Variants in SUCLG2 observed in about 807,000 individuals in gnomAD.
The protein encoded by SUCLG2 is succinate-CoA ligase GDP-forming subunit beta.
In SUCLG2, 42 loss-of-function variants were observed where a neutral mutation model predicts 47.9. The ratio of observed to expected loss-of-function variants is 0.88; its 90% CI spans 0.69 to 1.14. The LOEUF (loss-of-function observed/expected upper bound fraction) is 1.14, where lower values mean the gene tolerates loss of function less well. SUCLG2 is among the 50% of genes most tolerant of loss of function. The pLI is 0.00. For synonymous variants in SUCLG2, 195 were observed against 197.3 expected (o/e 0.99, Z 0.10); for missense variants, 571 against 525.9 (o/e 1.09, Z -0.84).
intron 9 of SUCLG2, among the ~76,000 whole-genome samples, chr3:67,482,932 T>C (rs1397102203): frequency 6.6e-6 from 1 of 152,106 alleles, no homozygotes; most frequent in Non-Finnish European, 1.5e-5. Context: ...TGAGTTCTAA[T>C]TGAGAAAAAA....
intron 9 of SUCLG2, among the ~76,000 whole-genome samples, chr3:67,459,570 A>C (rs1296388403): frequency 6.6e-6 from 1 of 152,220 alleles, no homozygotes; most frequent in African/African-American, 2.4e-5. Context: ...AATGAAAAAG[A>C]AATTTACCAG....
chr3:67,447,165 T>C (rs13090999), intron 9 of SUCLG2, among the ~76,000 whole-genome samples: 76,352 of 151,946 alleles, frequency 0.5, 19,604 homozygotes, highest in Non-Finnish European at 0.57. Flanking sequence ...TGAGTTAATT[T>C]TAAAAAATCA....
chr3:67,596,233 C>T (rs1708289381), intron 2 of SUCLG2, among the ~76,000 whole-genome samples: 1 of 152,190 alleles, frequency 6.6e-6, no homozygotes, highest in Admixed American at 6.5e-5. Context: ...CGGAAAACAC[C>T]TCTCTCTTCC....
intron 10 of SUCLG2, among the ~76,000 whole-genome samples, chr3:67,381,565 T>C (rs1030150148): frequency 6.6e-6 from 1 of 152,230 alleles, no homozygotes; most frequent in African/African-American, 2.4e-5. Context: ...TTCTAATATT[T>C]ATTAAATGCT....
chr3:67,468,315 TC>T (rs1704523539), intron 9 of SUCLG2, among the ~76,000 whole-genome samples: 1 of 152,060 alleles, frequency 6.6e-6, no homozygotes, highest in Non-Finnish European at 1.5e-5. Context: ...TCAAAGATGG[TC>T]CTGTAATATT....
At chr3:67,560,063 A>G (rs1196554369) in intron 2 of SUCLG2, among the ~76,000 whole-genome samples, 2 of 152,162 alleles carry the variant, frequency 1.3e-5, no homozygotes, top group African/African-American at 2.4e-5. Flanking sequence ...AAATATATCT[A>G]TATAATGGCT....
intron 2 of SUCLG2, among the ~76,000 whole-genome samples, chr3:67,537,107 A>G (rs1326403989): frequency 6.6e-6 from 1 of 152,156 alleles, no homozygotes; most frequent in Admixed American, 6.5e-5. Context: ...GGTTTGTTAC[A>G]TAGGTATACA....
chr3:67,384,641 C>G (rs140394173), intron 10 of SUCLG2, among the ~76,000 whole-genome samples: 1 of 152,182 alleles, frequency 6.6e-6, no homozygotes, highest in Non-Finnish European at 1.5e-5. Flanking sequence ...AGCTTGCAGT[C>G]CCTACTTCTG....
At chr3:67,632,014 C>T (rs554401208) in intron 1 of SUCLG2, among the ~76,000 whole-genome samples, 1 of 152,338 alleles carries the variant, frequency 6.6e-6, no homozygotes, top group South Asian at 2.1e-4. Context: ...CCAGGGCTAA[C>T]AGTTCAGTAA....
chr3:67,515,661 C>T (rs943592358), intron 6 of SUCLG2, among the ~76,000 whole-genome samples: 1 of 151,962 alleles, frequency 6.6e-6, no homozygotes, highest in African/African-American at 2.4e-5. Context: ...CCTAAGGTAC[C>T]TCTAAGATAC....
At chr3:67,444,340 G>T (rs1703869357) in intron 9 of SUCLG2, among the ~76,000 whole-genome samples, 1 of 79,288 alleles carries the variant, frequency 1.3e-5, no homozygotes, top group African/African-American at 4.6e-5. Flanking sequence ...GAGGTGGGGG[G>T]GTTAGCCCCC....
At chr3:67,397,659 G>GA (rs1223517924) in intron 10 of SUCLG2, among the ~76,000 whole-genome samples, 2 of 152,018 alleles carry the variant, frequency 1.3e-5, no homozygotes, top group African/African-American at 2.4e-5. Flanking sequence ...CACAGAATTG[G>GA]AAAAAACTAC....
intron 10 of SUCLG2, among the ~76,000 whole-genome samples, chr3:67,389,756 T>C (rs1157249260): frequency 6.6e-6 from 1 of 152,168 alleles, no homozygotes; most frequent in Non-Finnish European, 1.5e-5. Flanking sequence ...CAAAGAAAGA[T>C]AAAGTGGTAC....
intron 10 of SUCLG2, among the ~76,000 whole-genome samples, chr3:67,362,694 G>A (rs1559631972): frequency 1.3e-5 from 2 of 152,158 alleles, no homozygotes; most frequent in Non-Finnish European, 2.9e-5. Flanking sequence ...GAATGAAGAT[G>A]TAAGTCGTAT....
intron 2 of SUCLG2, among the ~76,000 whole-genome samples, chr3:67,536,961 G>A (rs192371255): frequency 6.6e-6 from 1 of 152,150 alleles, no homozygotes; most frequent in East Asian, 1.9e-4. Flanking sequence ...CCAACATTTG[G>A]ACACTATTGG....
At chr3:67,634,693 C>T (rs1350706888) in intron 1 of SUCLG2, among the ~76,000 whole-genome samples, 1 of 152,144 alleles carries the variant, frequency 6.6e-6, no homozygotes, top group East Asian at 1.9e-4. Flanking sequence ...TTTGGGCTCT[C>T]ATTAGTATTT....
intron 5 of SUCLG2, 106 bp from the exon 6 acceptor site, chr3:67,518,442 GT>G: frequency 9.7e-7 from 1 of 1,034,808 alleles, no homozygotes; most frequent in Non-Finnish European, 1.4e-6. Context: ...TAATTAAAGT[GT>G]GGCATCTATC....
intron 2 of SUCLG2, among the ~76,000 whole-genome samples, chr3:67,537,679 T>G (rs1706584500): frequency 6.6e-6 from 1 of 152,190 alleles, no homozygotes; most frequent in South Asian, 2.1e-4. Flanking sequence ...TAATTTACAC[T>G]CCCATCAACA....
In SUCLG2 at chr3:67,654,479, C is replaced by G. The variant is rs1255876822; in HGVS notation, c.84+24G>C. 5.7e-6 allele frequency: 7 copies of G among 1,231,846 alleles called. No individual in the cohort carries two copies. In the East Asian group the frequency reaches 1.9e-4, roughly 33 times the overall value. The allele number at this position is 1,231,846 out of a possible 1,614,324, so 76.3% of individuals were successfully genotyped here. The stretch of plus-strand genomic sequence containing the variant: ...GCAGGCCGGCGCCGCTGCTGGCGCC[C>G]GCAGCTCCTGCCCCCACGCTCACCT... On this transcript the variant is annotated intron_variant, in intron 1 of 10. Transcript: ENST00000307227.
Sources: allele counts gnomAD v4.1 joint callset (sites outside exome capture counted in the v4.1 genomes callset), GRCh38; gene constraint gnomAD v4.1.1; transcripts MANE v1.5; gene names NCBI Gene and HGNC (gene_info 2026-07-23, HGNC 2026-07-21).